CSMD1: variants seen among roughly 807,000 people sequenced by gnomAD.
The protein encoded by CSMD1 is CUB and sushi domain-containing protein 1.
CSMD1 carries 213 observed loss-of-function variants against 417.5 expected under a neutral mutation model. The ratio of observed to expected loss-of-function variants is 0.51; its 90% CI spans 0.46 to 0.57. The LOEUF (loss-of-function observed/expected upper bound fraction) is 0.57. CSMD1 is among the 20% of genes least tolerant of loss of function. The probability of loss-of-function intolerance (pLI) is 0.00; values close to 1 mark genes in which losing one functional copy is unlikely to be tolerated. For missense variants in CSMD1, 6,923 were observed against 4,529.7 expected, an observed-to-expected ratio of 1.53 and a Z score of -15.17; for synonymous variants, 2,862 against 1,736.8, an observed-to-expected ratio of 1.65 and a Z score of -16.11.
At chr8:4,426,711 ATATTT>A (rs1797580672) in intron 2 of CSMD1, among the ~76,000 whole-genome samples, 1 of 147,268 alleles carries the variant, frequency 6.8e-6, no homozygotes, top group Non-Finnish European at 1.5e-5. Flanking sequence ...TAATGCAGTA[ATATTT>A]TATTACTATA....
intron 2 of CSMD1, among the ~76,000 whole-genome samples, chr8:4,541,946 G>A (rs1405457377): frequency 6.6e-6 from 1 of 152,122 alleles, no homozygotes; most frequent in African/African-American, 2.4e-5. Flanking sequence ...GGCAGGCGAT[G>A]AATTTCCAGA....
intron 12 of CSMD1, among the ~76,000 whole-genome samples, chr8:3,415,816 G>A (rs767820087): frequency 1.1e-4 from 16 of 152,134 alleles, no homozygotes; most frequent in Non-Finnish European, 2.2e-4. Context: ...ATAAATGGAA[G>A]ACAAAACTTC....
At chr8:4,200,580 G>A (rs184123694) in intron 3 of CSMD1, among the ~76,000 whole-genome samples, 174 of 152,098 alleles carry the variant, frequency 1.1e-3, no homozygotes, top group Admixed American at 1.9e-3. Flanking sequence ...AATCTTGGCG[G>A]GCCTGGAGGC....
rs113885993 is a variant in CSMD1 at position 4,001,030 on chromosome 8, A to G, written c.611-2920T>C. Among the ~76,000 whole-genome samples, 547 of 144,148 alleles carry G rather than the reference A, an allele frequency of 3.8e-3. 3 individuals are homozygous for G. Among genetic ancestry groups the G allele is most frequent in the African/African-American group, 0.013 (501 of 38,956 alleles). The allele number at this position is 144,148 out of a possible 152,430, so 94.6% of individuals were successfully genotyped here. ...TGTTGGCAAGAAATCCCCCCTTTCA[A>G]TGTTTCAGAGGGGAAAATAAAAAAA... On this transcript the variant is annotated intron_variant, in intron 4 of 69. Coordinates refer to ENST00000635120, the MANE Select transcript of CSMD1 (RefSeq NM_033225.6).
chr8:3,486,757 A>C (rs1286441745), intron 11 of CSMD1, among the ~76,000 whole-genome samples: 76 of 152,328 alleles, frequency 5.0e-4, no homozygotes, highest in Non-Finnish European at 8.8e-5. Context: ...TGGGTCCCCA[A>C]GGTCCCTGAC....
At chr8:4,384,228 C>G (rs571002088) in intron 3 of CSMD1, among the ~76,000 whole-genome samples, 3 of 151,278 alleles carry the variant, frequency 2.0e-5, no homozygotes, top group South Asian at 2.1e-4. Context: ...TCAAACAAGA[C>G]AGAAGTGATA....
intron 37 of CSMD1, 48 bp downstream of exon 37, chr8:3,181,062 T>A (rs781551852): frequency 8.8e-7 from 1 of 1,140,316 alleles, no homozygotes; most frequent in Non-Finnish European, 1.3e-6. Flanking sequence ...TTTAAAAAAA[T>A]GACTCAGTAT....
At chr8:4,919,125 A>G (rs1806265618) in intron 1 of CSMD1, among the ~76,000 whole-genome samples, 1 of 152,330 alleles carries the variant, frequency 6.6e-6, no homozygotes. Context: ...TTACTTCTAT[A>G]AAGTTAGAAT....
intron 2 of CSMD1, among the ~76,000 whole-genome samples, chr8:4,449,552 C>T (rs1459865374): frequency 6.6e-6 from 1 of 151,988 alleles, no homozygotes; most frequent in Non-Finnish European, 1.5e-5. Flanking sequence ...AAGTTGGATC[C>T]CAATGGACTC....
At chr8:3,114,039 G>C (rs1339039427) in intron 42 of CSMD1, among the ~76,000 whole-genome samples, 2 of 151,744 alleles carry the variant, frequency 1.3e-5, no homozygotes, top group African/African-American at 2.4e-5. Context: ...GCAATACAGG[G>C]AGATCCCATC....
At chr8:4,844,176 C>A (rs983318916) in intron 1 of CSMD1, among the ~76,000 whole-genome samples, 1 of 152,070 alleles carries the variant, frequency 6.6e-6, no homozygotes, top group Non-Finnish European at 1.5e-5. Context: ...TTCTACTACA[C>A]GTAGCACTGG....
Position 3,071,192 on chromosome 8 carries a change from C to T in CSMD1, c.7474+15905G>A, listed in dbSNP as rs537488925. 5.2e-3 allele frequency among the ~76,000 whole-genome samples: 797 copies of T among 152,286 alleles called. 4 individuals carry two copies. Among genetic ancestry groups the T allele is most frequent in the Non-Finnish European group, 8.9e-3 (602 of 68,022 alleles). Reference sequence around the variant, plus strand: ...TTCCAGGCCCACCTCCAGCATTGGGCATTACAATTCAACATGAGATTTGGC... The same window carrying T: ...TTCCAGGCCCACCTCCAGCATTGGGTATTACAATTCAACATGAGATTTGGC... On this transcript the variant is annotated intron_variant, in intron 49 of 69. Coordinates refer to ENST00000635120, the MANE Select transcript of CSMD1 (RefSeq NM_033225.6).
Position 3,199,080 on chromosome 8 carries a change from C to G in CSMD1, c.5194+634G>C, listed in dbSNP as rs114719292. On this transcript the variant is annotated intron_variant, in intron 33 of 69. Coordinates refer to ENST00000635120, the MANE Select transcript of CSMD1 (RefSeq NM_033225.6). ...ATGTGGTCATTTTTTCAATGCAAAA[C>G]AAAAGTGAAACAAATTAGGAGAAAA... 8.9e-3 allele frequency among the ~76,000 whole-genome samples: 1,360 copies of G among 152,170 alleles called. 25 individuals are homozygous for G. Among genetic ancestry groups the G allele is most frequent in the African/African-American group, 0.031 (1,276 of 41,508 alleles).
chr8:4,610,362 T>C (rs986403974), intron 2 of CSMD1, among the ~76,000 whole-genome samples: 8 of 152,202 alleles, frequency 5.3e-5, no homozygotes, highest in African/African-American at 1.9e-4. Context: ...GTCACATCAA[T>C]CATTTAATCT....
intron 2 of CSMD1, among the ~76,000 whole-genome samples, chr8:4,450,237 A>C (rs1799058506): frequency 6.6e-6 from 1 of 152,222 alleles, no homozygotes; most frequent in South Asian, 2.1e-4. Context: ...CTAAGATGAA[A>C]GCAAAGAGAC....
intron 62 of CSMD1, among the ~76,000 whole-genome samples, chr8:2,960,137 G>A (rs150671767): frequency 1.5e-4 from 23 of 152,316 alleles, no homozygotes; most frequent in Admixed American, 5.2e-4. Context: ...CAGTGAGAGC[G>A]ACATCCATAT....
rs546597231 is a variant in CSMD1, at chr8:3,856,801, T to C, written c.819-102759A>G. ...GACTGAGCATATTACAGATACAGGC[T>C]ACTCCCTCAGGCTGGGGCCCAAAGT... On this transcript the variant is annotated intron_variant, in intron 5 of 69. Coordinates refer to ENST00000635120, the MANE Select transcript of CSMD1 (RefSeq NM_033225.6). 2.0e-3 allele frequency among the ~76,000 whole-genome samples: 309 copies of C among 152,252 alleles called. 1 individual carries two copies. Among genetic ancestry groups the C allele is most frequent in the Non-Finnish European group, 2.1e-3 (143 of 68,012 alleles).
At chr8:4,669,022 T>C (rs1200973218) in intron 1 of CSMD1, among the ~76,000 whole-genome samples, 3 of 152,232 alleles carry the variant, frequency 2.0e-5, no homozygotes, top group Non-Finnish European at 4.4e-5. Flanking sequence ...ACTCATTTCC[T>C]TTGAAATATT....
chr8:4,758,992 G>A (rs547522781), intron 1 of CSMD1, among the ~76,000 whole-genome samples: 1 of 144,264 alleles, frequency 6.9e-6, no homozygotes, highest in South Asian at 2.1e-4. Context: ...GCATGACTTT[G>A]TAAGAATGTC....
Sources: gnomAD v4.1 joint callset for allele counts (sites outside exome capture counted in the v4.1 genomes callset) on GRCh38, gnomAD v4.1.1 for gene constraint, MANE v1.5 for transcripts, NCBI Gene and HGNC (gene_info 2026-07-23, HGNC 2026-07-21) for gene names.